Variants in ARHGAP22 observed in about 807,000 individuals in gnomAD.
The protein encoded by ARHGAP22 is Rho GTPase activating protein 22, also known as rho GTPase-activating protein 22.
In ARHGAP22, 48 loss-of-function variants were observed where a neutral mutation model predicts 59.1. The ratio of observed to expected loss-of-function variants is 0.81; its 90% CI spans 0.64 to 1.03. The LOEUF is 1.03. Among genes scored for constraint, ARHGAP22 ranks in the 50% least tolerant of loss-of-function variants. The pLI is 0.00. For synonymous variants in ARHGAP22, 445 were observed against 416.4 expected (o/e 1.07, Z -0.84); for missense variants, 1,015 against 958.7 (o/e 1.06, Z -0.78).
chr10:48,543,531 T>A lies in ARHGAP22; in HGVS notation c.322+11932A>T, dbSNP rs2056160277. On this transcript the variant is annotated intron_variant, in intron 3 of 9. Coordinates refer to ENST00000249601, the MANE Select transcript of ARHGAP22 (RefSeq NM_021226.4). The stretch of plus-strand genomic sequence containing the variant: ...AAAGTGCCATTAAAGGGATTAAGTA[T>A]AAAGTTTTTTTTCTTTTTTCTGCTG... 2.6e-5 allele frequency among the ~76,000 whole-genome samples: 4 copies of A among 152,332 alleles called. No homozygotes were observed. In the South Asian group the frequency reaches 8.3e-4, roughly 32 times the overall value.
chr10:48,443,446 C>T (rs2045249741), downstream of ARHGAP22, among the ~76,000 whole-genome samples: 1 of 152,224 alleles, frequency 6.6e-6, no homozygotes, highest in South Asian at 2.1e-4. Flanking sequence ...ATTGTGAGAC[C>T]CCTGTGCTCA....
At chr10:48,625,921 T>C (rs138272286) in intron 1 of ARHGAP22, among the ~76,000 whole-genome samples, 17 of 152,260 alleles carry the variant, frequency 1.1e-4, no homozygotes, top group African/African-American at 3.6e-4. Flanking sequence ...TATGACACCA[T>C]TGTCACCTAG....
chr10:48,569,577 C>G (rs763154527), intron 2 of ARHGAP22, among the ~76,000 whole-genome samples: 16 of 152,208 alleles, frequency 1.1e-4, no homozygotes, highest in Non-Finnish European at 2.4e-4. Flanking sequence ...ATTTAACTAT[C>G]AGTTTTCTAC....
chr10:48,443,923 A>T (rs1385475404), downstream of ARHGAP22: 1 of 152,220 alleles, frequency 6.6e-6, no homozygotes, highest in Non-Finnish European at 1.5e-5. Flanking sequence ...TTCATTTGTT[A>T]TTCTTTTAAC....
intron 2 of ARHGAP22, among the ~76,000 whole-genome samples, chr10:48,576,442 T>C (rs2058716248): frequency 1.3e-5 from 2 of 152,234 alleles, no homozygotes; most frequent in Non-Finnish European, 2.9e-5. Context: ...CTTTAAAATA[T>C]GGACTTACAT....
chr10:48,620,478 C>T (rs1041373472), intron 1 of ARHGAP22, among the ~76,000 whole-genome samples: 1 of 152,154 alleles, frequency 6.6e-6, no homozygotes, highest in African/African-American at 2.4e-5. Context: ...CATGGATTCC[C>T]ACTGTGCAAT....
chr10:48,466,911 G>A (rs1361857881), intron 4 of ARHGAP22, among the ~76,000 whole-genome samples: 6 of 152,184 alleles, frequency 3.9e-5, no homozygotes, highest in Non-Finnish European at 8.8e-5. Flanking sequence ...CCCGGGCACC[G>A]CAGGAATCCC....
chr10:48,509,640 C>T lies in ARHGAP22; in HGVS notation c.323-29876G>A, dbSNP rs550453585. The stretch of plus-strand genomic sequence containing the variant: ...CTTCCGGGGCTCCACAGCCTCATTT[C>T]CCCCAGACTCGCTGGGCCCTCCCCG... On this transcript the variant is annotated intron_variant, in intron 3 of 9. Transcript: ENST00000249601. 2.4e-4 allele frequency among the ~76,000 whole-genome samples: 37 copies of T among 152,232 alleles called. 1 individual carries two copies. In the East Asian group the frequency reaches 7.2e-3, roughly 29 times the overall value.
Position 48,577,256 on chromosome 10 carries a change from T to C in ARHGAP22, c.234+5697A>G, listed in dbSNP as rs539613417. Among the ~76,000 whole-genome samples, 43 of 152,340 alleles carry C rather than the reference T, an allele frequency of 2.8e-4. No individual in the cohort carries two copies. In the East Asian group the frequency reaches 7.7e-3, roughly 27 times the overall value. On this transcript the variant is annotated intron_variant, in intron 2 of 9. Coordinates refer to ENST00000249601, the MANE Select transcript of ARHGAP22 (RefSeq NM_021226.4). ...GAGATTCTCTCTGAGGATATTACAG[T>C]AGTTTTGTATAACAGTTTTCTTCCC...
At chr10:48,654,708 G>C (rs147065795), upstream of ARHGAP22, among the ~76,000 whole-genome samples, 401 of 152,208 alleles carry the variant, frequency 2.6e-3, 6 homozygotes, top group African/African-American at 9.2e-3. Context: ...TATGAGAGGA[G>C]AGAGAGGGAG....
At chr10:48,579,582 T>C (rs941082823) in intron 2 of ARHGAP22, among the ~76,000 whole-genome samples, 16 of 152,224 alleles carry the variant, frequency 1.1e-4, no homozygotes, top group African/African-American at 3.9e-4. Context: ...CTATGCTTTC[T>C]GTCCTCTGCT....
chr10:48,509,710 T>A (rs564603967), intron 3 of ARHGAP22, among the ~76,000 whole-genome samples: 1 of 152,112 alleles, frequency 6.6e-6, no homozygotes, highest in Non-Finnish European at 1.5e-5. Context: ...CAGAAGGTTA[T>A]TGGAAAGGAG....
the ARHGAP22 span, among the ~76,000 whole-genome samples, chr10:48,433,545 C>T: frequency 6.6e-6 from 1 of 152,056 alleles, no homozygotes; most frequent in East Asian, 1.9e-4. Context: ...ACCTCTTTTA[C>T]CTCTCATCTC....
chr10:48,559,583 T>C (rs1056631952), intron 2 of ARHGAP22, among the ~76,000 whole-genome samples: 1 of 152,234 alleles, frequency 6.6e-6, no homozygotes, highest in Non-Finnish European at 1.5e-5. Context: ...GAATGCCCAT[T>C]TCTGTATGCT....
chr10:48,459,858 T>A lies in ARHGAP22; in HGVS notation c.485A>T (p.His162Leu). ...GCGGGGGCCATACTTCCGCTCGTGG[T>A]GGACTGTTTCCTCTAGGCGCTGCCC... The part of the protein sequence containing the change: ...IFGQRLEETV[H>L]HERKYGPRLA... Residue 162 changes from histidine (H) to leucine (L), a missense_variant, in exon 5 of 10, where the codon CAC becomes CTC. By Grantham distance (99) the His-to-Leu change is moderately conservative. Transcript: ENST00000249601. 6.2e-7 allele frequency: 1 copy of A among 1,613,124 alleles called. No individual in the cohort carries two copies. The highest frequency in any genetic ancestry group is 8.5e-7 in the Non-Finnish European group (1 of 1,180,034).
intron 3 of ARHGAP22, among the ~76,000 whole-genome samples, chr10:48,486,250 T>C (rs1197834235): frequency 6.6e-6 from 1 of 152,064 alleles, no homozygotes; most frequent in African/African-American, 2.4e-5. Context: ...TTCCTGACCT[T>C]TTTTGCAATG....
intron 4 of ARHGAP22, among the ~76,000 whole-genome samples, chr10:48,466,064 G>A (rs965664941): frequency 2.6e-5 from 4 of 152,102 alleles, no homozygotes; most frequent in African/African-American, 9.7e-5. Flanking sequence ...AGGCCTGGAG[G>A]AGCACAGTAG....
chr10:48,632,552 T>G (rs1403610574), intron 1 of ARHGAP22, among the ~76,000 whole-genome samples: 1 of 152,200 alleles, frequency 6.6e-6, no homozygotes, highest in Non-Finnish European at 1.5e-5. Context: ...CAAGATTTTC[T>G]CTGTCTTTTG....
intron 3 of ARHGAP22, among the ~76,000 whole-genome samples, chr10:48,484,169 G>A (rs2049618272): frequency 6.6e-6 from 1 of 152,226 alleles, no homozygotes; most frequent in Non-Finnish European, 1.5e-5. Context: ...CTTGGCACCT[G>A]TGTGGAAAAT....
Sources: gnomAD v4.1 joint callset for allele counts (sites outside exome capture counted in the v4.1 genomes callset) on GRCh38, gnomAD v4.1.1 for gene constraint, MANE v1.5 for transcripts, NCBI Gene and HGNC (gene_info 2026-07-23, HGNC 2026-07-21) for gene names.